LRP1B: variants seen among roughly 807,000 people sequenced by gnomAD.
LRP1B encodes low-density lipoprotein receptor-related protein 1B.
A neutral mutation model predicts 556.6 loss-of-function variants in LRP1B; 217 were observed. That is an observed-to-expected ratio of 0.39 (90% CI 0.35 to 0.44). The LOEUF is 0.44. Among genes scored for constraint, LRP1B ranks in the 20% least tolerant of loss-of-function variants. The probability of loss-of-function intolerance (pLI) is 1.00; values close to 1 mark genes in which losing one functional copy is unlikely to be tolerated. For synonymous variants in LRP1B, 2,047 were observed against 1,865.8 expected (o/e 1.10, Z -2.50); for missense variants, 5,053 against 5,620.8 (o/e 0.90, Z 3.23).
At chr2:140,417,061 C>A (rs1032759470) in intron 66 of LRP1B, among the ~76,000 whole-genome samples, 1 of 152,140 alleles carries the variant, frequency 6.6e-6, no homozygotes. Context: ...CCCAACTAAG[C>A]CAGGAAACCT....
At position 140,297,955 on chromosome 2, in the gene LRP1B, T is replaced by G; in HGVS notation, c.12820A>C (p.Ser4274Arg). ...GGCCCAGTGAAACCCAGTGCACAGC[T>G]GCAGGTGGGTCTCCCTATTGGAAAC... is the stretch of plus-strand genomic sequence containing the variant. ...VPSVLGRPTC[S>R]CALGFTGPNC... The change falls in exon 84 of 91, where the codon AGC (serine) becomes CGC (arginine). Residue 4274 changes from serine to arginine, a missense_variant. Physicochemically the swap from Ser to Arg is moderately radical, Grantham distance 110. Transcript: ENST00000389484. The G allele has an allele frequency of 6.2e-7, 1 of 1,608,988 alleles. No individual in the cohort carries two copies. Among genetic ancestry groups the G allele is most frequent in the South Asian group, 1.1e-5 (1 of 90,666 alleles).
chr2:141,384,251 T>C (rs766329439), intron 3 of LRP1B, among the ~76,000 whole-genome samples: 3 of 152,120 alleles, frequency 2.0e-5, no homozygotes, highest in Non-Finnish European at 4.4e-5. Context: ...AGGAGTACTT[T>C]AGGCTAAAAT....
chr2:141,538,120 A>G (rs1685127003), intron 2 of LRP1B, among the ~76,000 whole-genome samples: 1 of 152,260 alleles, frequency 6.6e-6, no homozygotes, highest in Non-Finnish European at 1.5e-5. Flanking sequence ...CTGTGCATAT[A>G]TGCGTACATT....
At chr2:141,149,877 C>G (rs1701878356) in intron 7 of LRP1B, among the ~76,000 whole-genome samples, 1 of 152,220 alleles carries the variant, frequency 6.6e-6, no homozygotes, top group South Asian at 2.1e-4. Flanking sequence ...AGACAAGATT[C>G]TCCAACACAG....
chr2:141,172,936 T>C (rs1371459641), intron 7 of LRP1B, among the ~76,000 whole-genome samples: 1 of 152,028 alleles, frequency 6.6e-6, no homozygotes, highest in African/African-American at 2.4e-5. Flanking sequence ...AAAATTTCCC[T>C]TATTTCCAAT....
intron 4 of LRP1B, among the ~76,000 whole-genome samples, chr2:141,250,207 A>G (rs1025433622): frequency 6.6e-6 from 1 of 152,194 alleles, no homozygotes; most frequent in Non-Finnish European, 1.5e-5. Context: ...TTTGGTGTTC[A>G]TAAAGAGCTC....
intron 3 of LRP1B, among the ~76,000 whole-genome samples, chr2:141,438,316 A>C (rs140723810): frequency 6.6e-6 from 1 of 151,948 alleles, no homozygotes; most frequent in East Asian, 1.9e-4. Flanking sequence ...GTGTGTTTGA[A>C]ACACAATAAC....
rs114525593 is a variant in LRP1B, at chr2:141,856,238, C to T, written c.83-45837G>A. 7.9e-3 allele frequency among the ~76,000 whole-genome samples: 1,200 copies of T among 152,138 alleles called. 22 individuals are homozygous for T. The highest frequency in any genetic ancestry group is 0.027 in the African/African-American group (1,136 of 41,514). On this transcript the variant is annotated intron_variant, in intron 1 of 90. Transcript: ENST00000389484. ...AAGTATAACCTATCCAAAAATCTTCCGTTTATATAAAATATACAAATTGCT... is the reference window on the plus strand; with the variant it reads ...AAGTATAACCTATCCAAAAATCTTCTGTTTATATAAAATATACAAATTGCT...
At chr2:140,993,899 A>G (rs1238445185) in intron 16 of LRP1B, 96 bp downstream of exon 16, 2 of 1,249,684 alleles carry the variant, frequency 1.6e-6, no homozygotes, top group East Asian at 4.7e-5. Context: ...AATCTGCATC[A>G]AAGGTATTTT....
intron 1 of LRP1B, among the ~76,000 whole-genome samples, chr2:141,952,839 T>C (rs899409376): frequency 7.2e-5 from 11 of 152,128 alleles, no homozygotes; most frequent in African/African-American, 2.4e-4. Context: ...TTGTGTGTGG[T>C]AGTTTTTATG....
chr2:140,947,308 T>C (rs1395484924), intron 20 of LRP1B, among the ~76,000 whole-genome samples: 1 of 152,216 alleles, frequency 6.6e-6, no homozygotes, highest in Admixed American at 6.5e-5. Flanking sequence ...CCTTTACTAT[T>C]AAAAGTCAAT....
At chr2:140,952,077 TAC>T in intron 18 of LRP1B, 137 bp from the exon 19 acceptor site, 1 of 641,066 alleles carries the variant, frequency 1.6e-6, no homozygotes, top group Non-Finnish European at 2.8e-6. Flanking sequence ...GATAAACAAA[TAC>T]AGTGACTATA....
intron 32 of LRP1B, among the ~76,000 whole-genome samples, chr2:140,811,346 T>G (rs1031435122): frequency 2.0e-5 from 3 of 151,898 alleles, no homozygotes; most frequent in African/African-American, 7.2e-5. Flanking sequence ...TTTACAGCAT[T>G]GAGCTCTGTT....
At chr2:140,503,443 G>A (rs1015947683) in intron 53 of LRP1B, among the ~76,000 whole-genome samples, 28 of 152,038 alleles carry the variant, frequency 1.8e-4, no homozygotes, top group African/African-American at 6.8e-4. Flanking sequence ...ATTAGAATTA[G>A]CTTGGTTAGG....
intron 2 of LRP1B, among the ~76,000 whole-genome samples, chr2:141,539,941 GT>G (rs1202566421): frequency 2.6e-5 from 4 of 152,044 alleles, no homozygotes; most frequent in East Asian, 1.9e-4. Flanking sequence ...AGGCAAATGC[GT>G]TATTGAAATA....
At chr2:140,799,147 A>T (rs1690418896) in intron 32 of LRP1B, among the ~76,000 whole-genome samples, 1 of 152,226 alleles carries the variant, frequency 6.6e-6, no homozygotes, top group South Asian at 2.1e-4. Context: ...AATACATTTT[A>T]AAAGTAACAC....
chr2:141,314,214 G>C (rs943609874), intron 3 of LRP1B, among the ~76,000 whole-genome samples: 1 of 152,068 alleles, frequency 6.6e-6, no homozygotes, highest in Admixed American at 6.5e-5. Context: ...AGGCTACCTG[G>C]TATAGCTCTG....
At chr2:141,414,433 T>C (rs1356732004) in intron 3 of LRP1B, among the ~76,000 whole-genome samples, 2 of 151,996 alleles carry the variant, frequency 1.3e-5, no homozygotes, top group East Asian at 3.9e-4. Flanking sequence ...ACTGTGCCTC[T>C]TACTGTGATC....
chr2:140,544,266 T>C (rs1175569902), intron 43 of LRP1B, among the ~76,000 whole-genome samples: 2 of 150,760 alleles, frequency 1.3e-5, no homozygotes, highest in African/African-American at 4.9e-5. Flanking sequence ...GTATTAACTT[T>C]TAAATTCAGG....
Sources: gnomAD v4.1 joint callset for allele counts (sites outside exome capture counted in the v4.1 genomes callset) on GRCh38, gnomAD v4.1.1 for gene constraint, MANE v1.5 for transcripts, NCBI Gene and HGNC (gene_info 2026-07-23, HGNC 2026-07-21) for gene names.